Variants in PALS1 observed in about 807,000 individuals in gnomAD.
The protein encoded by PALS1 is protein associated with LIN7 1, MAGUK p55 family member.
In PALS1, 31 loss-of-function variants were observed where a neutral mutation model predicts 78.9. The observed-to-expected ratio is 0.39, with a 90% CI of 0.30 to 0.53. PALS1 has a LOEUF of 0.53. Among genes scored for constraint, PALS1 ranks in the 20% least tolerant of loss-of-function variants. The pLI is 0.67. For missense variants in PALS1, 704 were observed against 826.5 expected (o/e 0.85, Z 1.82); for synonymous variants, 276 against 270.9 (o/e 1.02, Z -0.18).
rs143853354 is a variant in PALS1 at position 67,263,038 on chromosome 14, A to G, written c.-236-6663A>G. Among the ~76,000 whole-genome samples the G allele has an allele frequency of 6.8e-4, 104 of 152,326 alleles. No homozygotes were observed. In the East Asian group the frequency reaches 0.017, roughly 25 times the overall value. Reference sequence around the variant, plus strand: ...TTGAAGGTGATAATAGAGCAGTTCAAGTAACCAACCATTTGATATCCTTGA... The same window carrying G: ...TTGAAGGTGATAATAGAGCAGTTCAGGTAACCAACCATTTGATATCCTTGA... On this transcript the variant is annotated intron_variant, in intron 1 of 14. Coordinates refer to ENST00000261681, the MANE Select transcript of PALS1 (RefSeq NM_022474.4).
intron 4 of PALS1, among the ~76,000 whole-genome samples, chr14:67,297,626 T>G (rs1486826748): frequency 6.6e-6 from 1 of 152,226 alleles, no homozygotes; most frequent in East Asian, 1.9e-4. Flanking sequence ...TGGAGGCTAT[T>G]GTAATTGTCC....
Position 67,334,338 on chromosome 14 carries a change from A to C in PALS1, c.*1382A>C, listed in dbSNP as rs2085496714. On this transcript the variant is annotated 3_prime_UTR_variant, in exon 15 of 15. Coordinates refer to ENST00000261681, the MANE Select transcript of PALS1 (RefSeq NM_022474.4). ...TGGAAACTTAATTTGCAGTCTTTTC[A>C]AGCCTTTAGGATAGTGTGATGTGTA... 1 of 152,644 alleles carries C rather than the reference A, an allele frequency of 6.6e-6. No individual in the cohort carries two copies. The highest frequency in any genetic ancestry group is 2.1e-4 in the South Asian group (1 of 4,832). The allele number at this position is 152,644 out of a possible 1,614,324, so 9.5% of individuals were successfully genotyped here.
At chr14:67,318,902 C>T (rs935996099) in intron 11 of PALS1, among the ~76,000 whole-genome samples, 1 of 151,878 alleles carries the variant, frequency 6.6e-6, no homozygotes, top group African/African-American at 2.4e-5. Flanking sequence ...CTAAAAAATA[C>T]AAAAAATTAG....
intron 1 of PALS1, among the ~76,000 whole-genome samples, chr14:67,242,972 G>A (rs1235434898): frequency 6.6e-6 from 1 of 152,118 alleles, no homozygotes; most frequent in Non-Finnish European, 1.5e-5. Flanking sequence ...CTTGAATTAT[G>A]ATTTTGATTA....
intron 1 of PALS1, among the ~76,000 whole-genome samples, chr14:67,266,742 T>C (rs868507034): frequency 5.3e-5 from 8 of 152,282 alleles, no homozygotes; most frequent in Middle Eastern, 3.4e-3. Context: ...TACACAGTTA[T>C]CAAGTAAATA....
intron 10 of PALS1, 93 bp downstream of exon 10, chr14:67,316,996 C>G (rs919072491): frequency 2.0e-6 from 2 of 977,000 alleles, no homozygotes; most frequent in Non-Finnish European, 3.1e-6. Context: ...TGAAGAAGTA[C>G]TCAGGGAAAG....
rs565757301 is a variant in PALS1, at chr14:67,318,538, T to C, written c.1369+1059T>C. 2.6e-5 allele frequency among the ~76,000 whole-genome samples: 4 copies of C among 152,306 alleles called. No homozygotes were observed. The East Asian group carries it at 7.7e-4, about 29-fold the overall frequency. Reference sequence around the variant, plus strand: ...TGGATATACACACTGAGTCTATAAATTAAAATGCTACCAGTCTTGATTATA... The same window carrying C: ...TGGATATACACACTGAGTCTATAAACTAAAATGCTACCAGTCTTGATTATA... On this transcript the variant is annotated intron_variant, in intron 11 of 14. Transcript: ENST00000261681.
intron 1 of PALS1, among the ~76,000 whole-genome samples, chr14:67,265,468 G>A (rs1348112951): frequency 6.6e-6 from 1 of 151,996 alleles, no homozygotes; most frequent in Admixed American, 6.6e-5. Context: ...AGGTGGGAGG[G>A]TTGCATGAGC....
intron 8 of PALS1, among the ~76,000 whole-genome samples, chr14:67,304,404 T>C (rs550837898): frequency 2.0e-5 from 3 of 152,330 alleles, no homozygotes; most frequent in Admixed American, 6.5e-5. Context: ...CAAATGTCTG[T>C]CAGGTGATGA....
At chr14:67,275,259 T>C (rs1388718529) in intron 2 of PALS1, among the ~76,000 whole-genome samples, 2 of 152,218 alleles carry the variant, frequency 1.3e-5, no homozygotes, top group Non-Finnish European at 2.9e-5. Context: ...TGTGGGTTTG[T>C]CATAAATAGC....
Position 67,333,516 on chromosome 14 carries a change from G to T in PALS1, c.*560G>T, listed in dbSNP as rs2085481233. 6.6e-6 allele frequency: 1 copy of T among 152,516 alleles called. No homozygotes were observed. Among genetic ancestry groups the T allele is most frequent in the Non-Finnish European group, 1.5e-5 (1 of 68,010 alleles). 9.4% of individuals were successfully genotyped at this position (152,516 alleles called of 1,614,324 possible). A position where few individuals can be genotyped will look rare whatever the true frequency, so the allele number is the denominator to read the frequency against. On this transcript the variant is annotated 3_prime_UTR_variant, in exon 15 of 15. Coordinates refer to ENST00000261681, the MANE Select transcript of PALS1 (RefSeq NM_022474.4). ...TGCCACTTTGGGTTGAAGCTACTTT[G>T]TTAGGCTTGAATTCATTTATATGTC...
At chr14:67,330,144 T>C (rs2085425553) in intron 14 of PALS1, among the ~76,000 whole-genome samples, 1 of 146,064 alleles carries the variant, frequency 6.8e-6, no homozygotes, top group African/African-American at 2.5e-5. Flanking sequence ...AAATAAATAA[T>C]AATAATAATA....
chr14:67,266,207 T>C (rs150656762), intron 1 of PALS1, among the ~76,000 whole-genome samples: 14 of 152,306 alleles, frequency 9.2e-5, no homozygotes, highest in African/African-American at 2.6e-4. Flanking sequence ...TAAAAGTCTT[T>C]TTAGTTCTGT....
chr14:67,323,513 G>A (rs2085299720), intron 13 of PALS1, among the ~76,000 whole-genome samples, 189 bp from the exon 14 acceptor site: 1 of 151,562 alleles, frequency 6.6e-6, no homozygotes, highest in Non-Finnish European at 1.5e-5. Context: ...TACTGGGGAT[G>A]CTGAGATGAG....
At chr14:67,297,837 T>A (rs2084880015) in intron 4 of PALS1, among the ~76,000 whole-genome samples, 1 of 152,246 alleles carries the variant, frequency 6.6e-6, no homozygotes, top group African/African-American at 2.4e-5. Flanking sequence ...GATATGAAGC[T>A]GAATAAGATA....
Position 67,335,308 on chromosome 14 carries a change from GC to G in PALS1, c.*2353del, listed in dbSNP as rs2085512822. The G allele has an allele frequency of 6.6e-6, 1 of 152,172 alleles. No individual in the cohort carries two copies. The highest frequency in any genetic ancestry group is 2.4e-5 in the African/African-American group (1 of 41,440). The allele number at this position is 152,172 out of a possible 1,614,324, so 9.4% of individuals were successfully genotyped here. ...ACAAAAGAATATGGAAAAAAGCCTT[GC>G]TGTACACCTAGTTGTACAGCCACTC... On this transcript the variant is annotated 3_prime_UTR_variant, in exon 15 of 15. Transcript: ENST00000261681.
intron 1 of PALS1, among the ~76,000 whole-genome samples, chr14:67,248,785 T>A (rs1355479063): frequency 6.6e-6 from 1 of 152,190 alleles, no homozygotes; most frequent in Non-Finnish European, 1.5e-5. Context: ...AAGGTGTGCC[T>A]GATTTGACCT....
chr14:67,326,259 T>TTTTTTTTTGGGG (rs2085356808), intron 14 of PALS1, among the ~76,000 whole-genome samples: 1 of 122,984 alleles, frequency 8.1e-6, no homozygotes, highest in Admixed American at 9.3e-5. Context: ...TTTTTTTTTT[T>TTTTTTTTTGGGG]GAGAGGAGAT....
intron 1 of PALS1, among the ~76,000 whole-genome samples, chr14:67,251,301 G>A (rs2084059434): frequency 6.6e-6 from 1 of 152,202 alleles, no homozygotes; most frequent in African/African-American, 2.4e-5. Context: ...TGGAGGCCGA[G>A]GCAGGAGGAC....
Sources: gnomAD v4.1 joint callset for allele counts (sites outside exome capture counted in the v4.1 genomes callset) on GRCh38, gnomAD v4.1.1 for gene constraint, MANE v1.5 for transcripts, NCBI Gene and HGNC (gene_info 2026-07-23, HGNC 2026-07-21) for gene names.